ASCC3: variants seen among roughly 807,000 people sequenced by gnomAD.
ASCC3 encodes the protein activating signal cointegrator 1 complex subunit 3, also known as ASC-1 complex subunit P200.
In ASCC3, 158 loss-of-function variants were observed where a neutral mutation model predicts 256.3. That is an observed-to-expected ratio of 0.62 (90% CI 0.54 to 0.70). The LOEUF (loss-of-function observed/expected upper bound fraction) is 0.70. ASCC3 is among the 30% of genes least tolerant of loss of function. The probability of loss-of-function intolerance (pLI) is 0.00; values close to 1 mark genes in which losing one functional copy is unlikely to be tolerated. For synonymous variants in ASCC3, 948 were observed against 883.4 expected (o/e 1.07, Z -1.30); for missense variants, 2,259 against 2,626.0 (o/e 0.86, Z 3.05).
chr6:100,630,107 C>G (rs942818428), intron 26 of ASCC3, among the ~76,000 whole-genome samples: 1 of 151,876 alleles, frequency 6.6e-6, no homozygotes, highest in Non-Finnish European at 1.5e-5. Flanking sequence ...CCAGGCTGGT[C>G]TCCAACTCCT....
At chr6:100,609,677 G>T (rs1773293523) in intron 30 of ASCC3, among the ~76,000 whole-genome samples, 1 of 152,140 alleles carries the variant, frequency 6.6e-6, no homozygotes, top group South Asian at 2.1e-4. Context: ...GCCAAGGTGG[G>T]TGGATCATGT....
At chr6:100,651,808 C>G (rs1197506232) in intron 18 of ASCC3, among the ~76,000 whole-genome samples, 162 bp from the exon 19 acceptor site, 1 of 151,804 alleles carries the variant, frequency 6.6e-6, no homozygotes, top group Non-Finnish European at 1.5e-5. Flanking sequence ...TTATAAACAT[C>G]AACAAATTTA....
chr6:100,643,063 T>A (rs1391848978), intron 23 of ASCC3, among the ~76,000 whole-genome samples: 1 of 152,200 alleles, frequency 6.6e-6, no homozygotes, highest in African/African-American at 2.4e-5. Context: ...CTTCATGATT[T>A]TTACCTTACC....
intron 30 of ASCC3, among the ~76,000 whole-genome samples, chr6:100,620,642 A>G (rs575917442): frequency 1.3e-5 from 2 of 152,212 alleles, no homozygotes; most frequent in South Asian, 4.1e-4. Context: ...ATGCTGTTCT[A>G]TGCCAGACAC....
intron 36 of ASCC3, among the ~76,000 whole-genome samples, chr6:100,549,816 C>G (rs2114682128): frequency 6.6e-6 from 1 of 152,048 alleles, no homozygotes; most frequent in Admixed American, 6.6e-5. Flanking sequence ...ATAAGACATT[C>G]TACAGAGAAG....
At chr6:100,606,401 A>G (rs115239550) in intron 32 of ASCC3, among the ~76,000 whole-genome samples, 4,606 of 152,218 alleles carry the variant, frequency 0.03, 76 homozygotes, top group African/African-American at 0.055. Flanking sequence ...ATTAAGCAAA[A>G]CAATACTTAG....
At chr6:100,523,631 T>C (rs1774415935) in intron 37 of ASCC3, among the ~76,000 whole-genome samples, 1 of 152,160 alleles carries the variant, frequency 6.6e-6, no homozygotes, top group African/African-American at 2.4e-5. Flanking sequence ...ACACCACATG[T>C]CCTCAACATC....
In ASCC3 at chr6:100,590,030, T is replaced by C. The variant is rs1167905382; in HGVS notation, c.5333A>G (p.Asp1778Gly). The C allele has an allele frequency of 6.2e-7, 1 of 1,613,638 alleles. No individual in the cohort carries two copies. Among genetic ancestry groups the C allele is most frequent in the South Asian group, 1.1e-5 (1 of 91,066 alleles). ...SYYNLGDVSH[D>G]SVNKFLSHLI... ...ATGGGACAGAAACTTGTTCACAGAATCATGGCTCACATCACCCAAATTGTA... is the reference window on the plus strand; with the variant it reads ...ATGGGACAGAAACTTGTTCACAGAACCATGGCTCACATCACCCAAATTGTA... The change falls in exon 35 of 42, where the codon GAT (aspartate) becomes GGT (glycine). Residue 1778 changes from aspartate (D) to glycine (G), a missense_variant. This residue lies in a region of ASCC3 where 1,839 missense variants were observed against 2,206.7 expected (regional missense o/e 0.83). Coordinates refer to ENST00000369162, the MANE Select transcript of ASCC3 (RefSeq NM_006828.4).
intron 40 of ASCC3, among the ~76,000 whole-genome samples, chr6:100,512,127 A>G (rs906585461): frequency 6.6e-6 from 1 of 152,218 alleles, no homozygotes; most frequent in African/African-American, 2.4e-5. Flanking sequence ...CTGTATGAAC[A>G]TTGACAAAGC....
chr6:100,808,693 G>T (rs1449814853), intron 4 of ASCC3, among the ~76,000 whole-genome samples: 1 of 151,740 alleles, frequency 6.6e-6, no homozygotes, highest in Non-Finnish European at 1.5e-5. Flanking sequence ...TATTATTATT[G>T]TTATTTTAAA....
In ASCC3 at chr6:100,584,159, G is replaced by A. The variant is rs530584648; in HGVS notation, c.5550+5475C>T. Reference sequence around the variant, plus strand: ...GGTATCCTTGTTGACTTTCTGTCTCGTTGATCTGTCTAATGTTGACAGTGG... The same window carrying A: ...GGTATCCTTGTTGACTTTCTGTCTCATTGATCTGTCTAATGTTGACAGTGG... On this transcript the variant is annotated intron_variant, in intron 36 of 41. Transcript: ENST00000369162. 2.5e-4 allele frequency among the ~76,000 whole-genome samples: 38 copies of A among 150,496 alleles called. 1 individual carries two copies. Among genetic ancestry groups the A allele is most frequent in the South Asian group, 4.3e-4 (2 of 4,700 alleles).
At chr6:100,859,889 T>G (rs896167914) in intron 3 of ASCC3, among the ~76,000 whole-genome samples, 1 of 152,002 alleles carries the variant, frequency 6.6e-6, no homozygotes, top group Non-Finnish European at 1.5e-5. Context: ...ATCCATACTA[T>G]AGTAAAATCA....
At chr6:100,730,516 G>A (rs1779852470) in intron 10 of ASCC3, among the ~76,000 whole-genome samples, 1 of 152,172 alleles carries the variant, frequency 6.6e-6, no homozygotes, top group African/African-American at 2.4e-5. Context: ...CACTATAGGT[G>A]TAGACCAGGC....
intron 37 of ASCC3, chr6:100,530,684 A>C: frequency 1.1e-6 from 1 of 914,060 alleles, no homozygotes; most frequent in South Asian, 1.3e-5. Context: ...GCATAGAAAA[A>C]CTAAAGGCCC....
At chr6:100,791,607 C>A (rs1216107224) in intron 8 of ASCC3, among the ~76,000 whole-genome samples, 1 of 152,018 alleles carries the variant, frequency 6.6e-6, no homozygotes, top group African/African-American at 2.4e-5. Flanking sequence ...AAGAAGTCTT[C>A]ATTAACAGCC....
Position 100,679,770 on chromosome 6 carries a change from A to G in ASCC3, c.2152-18T>C. 6.2e-7 allele frequency: 1 copy of G among 1,612,460 alleles called. No homozygotes were observed. Among genetic ancestry groups the G allele is most frequent in the Non-Finnish European group, 8.5e-7 (1 of 1,178,774 alleles). On this transcript the variant is annotated intron_variant, in intron 13 of 41. Coordinates refer to ENST00000369162, the MANE Select transcript of ASCC3 (RefSeq NM_006828.4). The stretch of plus-strand genomic sequence containing the variant: ...ACCATCACCTGAAAAAAAGGAAAGC[A>G]GTTTATTTAATATTCCAATTAATTA...
chr6:100,832,021 T>G (rs75797830), intron 4 of ASCC3, among the ~76,000 whole-genome samples: 1 of 151,964 alleles, frequency 6.6e-6, no homozygotes, highest in African/African-American at 2.4e-5. Context: ...CAGAAGTAAA[T>G]AGATTTTAAA....
intron 37 of ASCC3, among the ~76,000 whole-genome samples, chr6:100,528,859 C>T: frequency 6.6e-6 from 1 of 152,164 alleles, no homozygotes; most frequent in East Asian, 1.9e-4. Context: ...TCAATCTATA[C>T]TAACATTTAC....
intron 39 of ASCC3, among the ~76,000 whole-genome samples, chr6:100,515,304 G>A (rs1369025073): frequency 6.6e-6 from 1 of 151,986 alleles, no homozygotes; most frequent in Non-Finnish European, 1.5e-5. Flanking sequence ...TGCCAATCTT[G>A]GGTTCAACAG....
Sources: allele counts gnomAD v4.1 joint callset (sites outside exome capture counted in the v4.1 genomes callset), GRCh38; gene constraint gnomAD v4.1.1; regional missense constraint gnomAD v4.1.1; transcripts MANE v1.5; gene names NCBI Gene and HGNC (gene_info 2026-07-23, HGNC 2026-07-21).